The following DPP6 variants were observed in gnomAD, a reference collection of about 807,000 sequenced individuals.
DPP6 encodes dipeptidyl peptidase like 6.
DPP6 carries 69 observed loss-of-function variants against 122.6 expected under a neutral mutation model. The ratio of observed to expected loss-of-function variants is 0.56; its 90% CI spans 0.46 to 0.69. The LOEUF (loss-of-function observed/expected upper bound fraction) is 0.69, where lower values mean the gene tolerates loss of function less well. Among genes scored for constraint, DPP6 ranks in the 30% least tolerant of loss-of-function variants. The pLI is 0.00. For synonymous variants in DPP6, 418 were observed against 433.1 expected (o/e 0.97, Z 0.43); for missense variants, 928 against 1,116.9 (o/e 0.83, Z 2.41).
At chr7:153,952,342 A>G (rs1437737440) in intron 1 of DPP6, among the ~76,000 whole-genome samples, 9 of 152,360 alleles carry the variant, frequency 5.9e-5, no homozygotes, top group Admixed American at 5.9e-4. Context: ...TTCACAGAGG[A>G]TTAAACTAAG....
chr7:154,140,244 A>G lies in DPP6; in HGVS notation c.243+87181A>G, dbSNP rs182824383. On this transcript the variant is annotated intron_variant, in intron 1 of 25. Transcript: ENST00000377770. ...TATGTGAAGAAAAGGGCCATATCTG[A>G]TTAAACAACCATGATTCTGTTTGCA... 7.6e-3 allele frequency among the ~76,000 whole-genome samples: 1,164 copies of G among 152,350 alleles called. 7 individuals are homozygous for G. Among genetic ancestry groups the G allele is most frequent in the Non-Finnish European group, 0.011 (733 of 68,036 alleles).
chr7:154,878,873 C>G (rs1030205533), intron 20 of DPP6, among the ~76,000 whole-genome samples: 65 of 152,202 alleles, frequency 4.3e-4, no homozygotes, highest in African/African-American at 1.6e-3. Flanking sequence ...GGGTCATGTG[C>G]TAAGGAGCAG....
intron 1 of DPP6, among the ~76,000 whole-genome samples, chr7:153,944,109 T>G (rs2129017798): frequency 6.6e-6 from 1 of 152,204 alleles, no homozygotes; most frequent in South Asian, 2.1e-4. Context: ...AATTATCAAT[T>G]GAAGGAAGAT....
chr7:154,205,946 C>T (rs903116455), intron 1 of DPP6, among the ~76,000 whole-genome samples: 1 of 152,104 alleles, frequency 6.6e-6, no homozygotes, highest in African/African-American at 2.4e-5. Flanking sequence ...CAGGCTGATG[C>T]CCCCAGACCA....
At chr7:154,647,488 A>G (rs1309510503) in intron 6 of DPP6, among the ~76,000 whole-genome samples, 1 of 152,176 alleles carries the variant, frequency 6.6e-6, no homozygotes, top group Non-Finnish European at 1.5e-5. Context: ...GGGTTATAGT[A>G]TCAAAGTCTG....
chr7:154,669,407 A>G lies in DPP6; in HGVS notation c.728A>G (p.Gln243Arg), dbSNP rs775378449. Reference protein sequence around the residue: ...DPPEVSNAKLQYAGWGPKGQQ... With the variant: ...DPPEVSNAKLRYAGWGPKGQQ... ...CCAGAAGTCAGCAATGCAAAACTTCAGTATGCAGGATGGGGCCCTAAAGGC... is the reference window on the plus strand; with the variant it reads ...CCAGAAGTCAGCAATGCAAAACTTCGGTATGCAGGATGGGGCCCTAAAGGC... Residue 243 changes from glutamine to arginine, a missense_variant, in exon 7 of 26, where the codon CAG becomes CGG. Transcript: ENST00000377770. 1.9e-6 allele frequency: 3 copies of G among 1,556,446 alleles called. No homozygotes were observed. The highest frequency in any genetic ancestry group is 1.9e-5 in the Admixed American group (1 of 51,522).
At chr7:154,061,831 T>C (rs1247767440) in intron 1 of DPP6, among the ~76,000 whole-genome samples, 3 of 96,964 alleles carry the variant, frequency 3.1e-5, no homozygotes, top group South Asian at 3.9e-4. Flanking sequence ...TCTTCCCCCC[T>C]TTGCTCTTAG....
chr7:154,123,743 G>A (rs1343157249), intron 1 of DPP6, among the ~76,000 whole-genome samples: 9 of 136,858 alleles, frequency 6.6e-5, no homozygotes, highest in Non-Finnish European at 8.1e-5. Flanking sequence ...TGTGCTGCCC[G>A]CTCGTGGGGC....
chr7:154,762,513 G>A (rs945121663), intron 8 of DPP6, among the ~76,000 whole-genome samples: 6 of 152,240 alleles, frequency 3.9e-5, no homozygotes, highest in East Asian at 3.8e-4. Flanking sequence ...CCAGGCAGCT[G>A]TGTGCCCCAC....
rs566893741 is a variant in DPP6, at chr7:154,371,483, A to G, written c.244-74731A>G. Among the ~76,000 whole-genome samples the G allele has an allele frequency of 4.6e-5, 7 of 152,104 alleles. No homozygotes were observed. The South Asian group carries it at 1.2e-3, about 27-fold the overall frequency. ...AATATCACCTCCTCCTACTCTCAGGATGGTACTTCTGCCCATTCTCCTGAG... is the reference window on the plus strand; with the variant it reads ...AATATCACCTCCTCCTACTCTCAGGGTGGTACTTCTGCCCATTCTCCTGAG... On this transcript the variant is annotated intron_variant, in intron 1 of 25. Transcript: ENST00000377770.
chr7:154,327,140 G>GA lies in DPP6; in HGVS notation c.244-119066dup, dbSNP rs1388074631. Among the ~76,000 whole-genome samples, 4 of 151,864 alleles carry GA rather than the reference G, an allele frequency of 2.6e-5. No homozygotes were observed. The East Asian group carries it at 5.8e-4, about 22-fold the overall frequency. ...TGAATGGTGATGGATACCTCTCAGAGAAAAAAAAGATTTAGGCTTCCAGGC... is the reference window on the plus strand; with the variant it reads ...TGAATGGTGATGGATACCTCTCAGAGAAAAAAAAAGATTTAGGCTTCCAGGC... On this transcript the variant is annotated intron_variant, in intron 1 of 25. Transcript: ENST00000377770.
chr7:154,772,967 CAAAAA>C, intron 10 of DPP6, 25 bp downstream of exon 10: 1 of 1,323,464 alleles, frequency 7.6e-7, no homozygotes, highest in South Asian at 2.0e-5. Context: ...ATTATGTTAC[CAAAAA>C]AAAAAAAAAA....
intron 1 of DPP6, among the ~76,000 whole-genome samples, chr7:154,134,848 G>A (rs1795463676): frequency 6.6e-6 from 1 of 151,860 alleles, no homozygotes; most frequent in African/African-American, 2.4e-5. Flanking sequence ...TATATTTCCT[G>A]TGAGCATACA....
At chr7:154,394,382 G>T (rs1306674259) in intron 1 of DPP6, among the ~76,000 whole-genome samples, 1 of 151,410 alleles carries the variant, frequency 6.6e-6, no homozygotes, top group Non-Finnish European at 1.5e-5. Flanking sequence ...GGCCATTTGT[G>T]TACCTTTTTT....
At position 154,214,482 on chromosome 7, in the gene DPP6, A is replaced by G. The variant is rs190759101; in HGVS notation, c.243+161419A>G. Among the ~76,000 whole-genome samples, 7 of 152,344 alleles carry G rather than the reference A, an allele frequency of 4.6e-5. No homozygotes were observed. In the East Asian group the frequency reaches 1.4e-3, roughly 29 times the overall value. On this transcript the variant is annotated intron_variant, in intron 1 of 25. Coordinates refer to ENST00000377770, the MANE Select transcript of DPP6 (RefSeq NM_130797.4). Reference sequence around the variant, plus strand: ...TAAATAAACAGCCACTGTGATGTGGAGAGGAAAGAGTTGGGCACACTTGGG... The same window carrying G: ...TAAATAAACAGCCACTGTGATGTGGGGAGGAAAGAGTTGGGCACACTTGGG...
intron 1 of DPP6, among the ~76,000 whole-genome samples, chr7:153,904,464 GA>G (rs2129000248): frequency 6.6e-6 from 1 of 152,304 alleles, no homozygotes; most frequent in South Asian, 2.1e-4. Context: ...GGGTAAACCT[GA>G]ATTCCTCCAA....
intron 1 of DPP6, among the ~76,000 whole-genome samples, chr7:154,245,266 C>T (rs1011584992): frequency 6.6e-6 from 1 of 151,840 alleles, no homozygotes; most frequent in African/African-American, 2.4e-5. Flanking sequence ...AAGGGACTCA[C>T]TTTAAATACA....
At chr7:154,194,200 C>T (rs1392494924) in intron 1 of DPP6, among the ~76,000 whole-genome samples, 1 of 152,162 alleles carries the variant, frequency 6.6e-6, no homozygotes, top group African/African-American at 2.4e-5. Flanking sequence ...AAAAGCAACA[C>T]ACTTCCTATG....
At chr7:153,995,506 G>A (rs766170130) in intron 1 of DPP6, among the ~76,000 whole-genome samples, 6 of 148,812 alleles carry the variant, frequency 4.0e-5, no homozygotes, top group African/African-American at 7.4e-5. Context: ...GGAGAATGGC[G>A]TGAACCCAGG....
Sources: gnomAD v4.1 joint callset for allele counts (sites outside exome capture counted in the v4.1 genomes callset) on GRCh38, gnomAD v4.1.1 for gene constraint, MANE v1.5 for transcripts, NCBI Gene and HGNC (gene_info 2026-07-23, HGNC 2026-07-21) for gene names.